Variants in STAG1 observed in about 807,000 individuals in gnomAD.
The protein encoded by STAG1 is STAG1 cohesin complex component, also known as cohesin subunit SA-1.
In STAG1, 26 loss-of-function variants were observed where a neutral mutation model predicts 170.9. The ratio of observed to expected loss-of-function variants is 0.15; its 90% CI spans 0.11 to 0.21. STAG1 has a LOEUF of 0.21. Ranked by LOEUF, STAG1 falls within the 10% of genes least tolerant of loss-of-function variation. The pLI is 1.00. For synonymous variants in STAG1, 514 were observed against 497.7 expected (o/e 1.03, Z -0.44); for missense variants, 964 against 1,509.5 (o/e 0.64, Z 5.99).
chr3:136,634,433 T>A (rs1940468774), intron 1 of STAG1, among the ~76,000 whole-genome samples: 1 of 151,044 alleles, frequency 6.6e-6, no homozygotes, highest in Admixed American at 6.6e-5. Context: ...CTTACAAACA[T>A]ATAAAAAATC....
chr3:136,500,717 T>C (rs1933415925), intron 8 of STAG1, among the ~76,000 whole-genome samples: 1 of 152,150 alleles, frequency 6.6e-6, no homozygotes, highest in South Asian at 2.1e-4. Flanking sequence ...ATCTAATGTA[T>C]CCAAACATTA....
At chr3:136,461,853 A>T (rs975509901) in intron 13 of STAG1, among the ~76,000 whole-genome samples, 2 of 152,156 alleles carry the variant, frequency 1.3e-5, no homozygotes, top group Non-Finnish European at 2.9e-5. Context: ...CCCTTAGCAA[A>T]AACGAAAACA....
intron 9 of STAG1, among the ~76,000 whole-genome samples, chr3:136,498,257 C>CACAAACATATACAT (rs1553733396): frequency 1.2e-5 from 1 of 83,676 alleles, no homozygotes; most frequent in Non-Finnish European, 2.1e-5. Flanking sequence ...CATACACACA[C>CACAAACATATACAT]ACACACACAC....
intron 21 of STAG1, among the ~76,000 whole-genome samples, chr3:136,413,863 A>G (rs7620314): frequency 0.43 from 65,016 of 152,008 alleles, 14,896 homozygotes; most frequent in African/African-American, 0.59. Context: ...GTGTACCCTG[A>G]ATATAGCGCA....
chr3:136,473,708 G>C (rs1364901860), intron 10 of STAG1, 71 bp from the exon 11 acceptor site: 1 of 1,147,376 alleles, frequency 8.7e-7, no homozygotes. Flanking sequence ...TCTATATGAA[G>C]ACTAAAATTT....
chr3:136,502,243 A>G (rs1224422365), intron 8 of STAG1, among the ~76,000 whole-genome samples: 1 of 152,142 alleles, frequency 6.6e-6, no homozygotes, highest in Non-Finnish European at 1.5e-5. Context: ...TAAAACTGAG[A>G]CCAATCTTAT....
intron 6 of STAG1, among the ~76,000 whole-genome samples, chr3:136,521,662 T>C (rs933034798): frequency 2.6e-4 from 40 of 152,280 alleles, no homozygotes; most frequent in African/African-American, 9.1e-4. Context: ...TTCTAAGTCT[T>C]TGGTTGAAAA....
At chr3:136,676,343 C>G (rs917107335) in intron 1 of STAG1, among the ~76,000 whole-genome samples, 1 of 152,212 alleles carries the variant, frequency 6.6e-6, no homozygotes, top group East Asian at 1.9e-4. Flanking sequence ...TTAACCTTAA[C>G]TTACTGTAAC....
chr3:136,612,809 G>A (rs934017733), intron 3 of STAG1, among the ~76,000 whole-genome samples: 7 of 152,116 alleles, frequency 4.6e-5, no homozygotes, highest in African/African-American at 9.7e-5. Context: ...TGGGCATCTG[G>A]GTCACCACTG....
intron 4 of STAG1, among the ~76,000 whole-genome samples, chr3:136,601,528 A>G (rs1255975762): frequency 1.3e-5 from 2 of 152,118 alleles, no homozygotes; most frequent in Non-Finnish European, 2.9e-5. Flanking sequence ...GTTTCAGCCG[A>G]AGACAGCTGG....
At chr3:136,633,253 A>G (rs1021132067) in intron 1 of STAG1, among the ~76,000 whole-genome samples, 1 of 152,112 alleles carries the variant, frequency 6.6e-6, no homozygotes, top group African/African-American at 2.4e-5. Flanking sequence ...ATTGAAGTAA[A>G]AAAGGCAGTA....
chr3:136,469,731 A>C (rs2089572308), intron 12 of STAG1, among the ~76,000 whole-genome samples: 1 of 152,220 alleles, frequency 6.6e-6, no homozygotes, highest in African/African-American at 2.4e-5. Flanking sequence ...CTGACTTCAA[A>C]CTATACTACA....
At chr3:136,646,674 G>A (rs551234779) in intron 1 of STAG1, among the ~76,000 whole-genome samples, 4 of 152,168 alleles carry the variant, frequency 2.6e-5, no homozygotes, top group Admixed American at 6.5e-5. Flanking sequence ...TTGAGAGGCC[G>A]AGGCAGGCAG....
intron 15 of STAG1, 59 bp downstream of exon 15, chr3:136,443,228 C>G (rs2088683308): frequency 8.3e-7 from 1 of 1,200,198 alleles, no homozygotes; most frequent in Non-Finnish European, 1.2e-6. Context: ...CTATATACAA[C>G]TGTATTGCTA....
intron 13 of STAG1, among the ~76,000 whole-genome samples, chr3:136,463,306 T>C (rs2089328195): frequency 6.6e-6 from 1 of 152,082 alleles, no homozygotes; most frequent in African/African-American, 2.4e-5. Flanking sequence ...TACAAGTGAG[T>C]AGAGAACAAT....
chr3:136,723,037 C>G (rs1404993106), intron 1 of STAG1, among the ~76,000 whole-genome samples: 3 of 152,216 alleles, frequency 2.0e-5, no homozygotes, highest in Non-Finnish European at 2.9e-5. Context: ...GATCTCCGCT[C>G]GCTACAACCT....
At chr3:136,526,725 T>C (rs1355544600) in intron 6 of STAG1, among the ~76,000 whole-genome samples, 1 of 152,234 alleles carries the variant, frequency 6.6e-6, no homozygotes, top group East Asian at 1.9e-4. Flanking sequence ...TTGCAGTGGC[T>C]GGTACTGGTT....
chr3:136,409,698 G>GTCTA (rs1280626288), intron 21 of STAG1, among the ~76,000 whole-genome samples: 1 of 152,052 alleles, frequency 6.6e-6, no homozygotes, highest in East Asian at 1.9e-4. Context: ...ATGTGTTCAT[G>GTCTA]TCTAGTTCAT....
chr3:136,692,612 G>A (rs1942763490), intron 1 of STAG1, among the ~76,000 whole-genome samples: 1 of 151,846 alleles, frequency 6.6e-6, no homozygotes, highest in Admixed American at 6.6e-5. Flanking sequence ...TCTAGCCTGG[G>A]GAACAAAGCA....
Sources: allele counts gnomAD v4.1 joint callset (sites outside exome capture counted in the v4.1 genomes callset), GRCh38; gene constraint gnomAD v4.1.1; transcripts MANE v1.5; gene names NCBI Gene and HGNC (gene_info 2026-07-23, HGNC 2026-07-21).